The following DMD variants were observed in gnomAD, a reference collection of about 807,000 sequenced individuals.
DMD encodes mutant dystrophin.
In DMD, 63 loss-of-function variants were observed where a neutral mutation model predicts 330.1. That is an observed-to-expected ratio of 0.19 (90% CI 0.16 to 0.24). DMD has a LOEUF of 0.24. Among genes scored for constraint, DMD ranks in the 10% least tolerant of loss-of-function variants. The probability of loss-of-function intolerance (pLI) is 1.00; values close to 1 mark genes in which losing one functional copy is unlikely to be tolerated. For synonymous variants in DMD, 1,223 were observed against 959.8 expected (o/e 1.27, Z -5.07); for missense variants, 3,344 against 2,684.1 (o/e 1.25, Z -5.43).
intron 55 of DMD, among the ~76,000 whole-genome samples, chrX:31,552,444 A>G (rs1185125658): frequency 8.9e-6 from 1 of 111,920 alleles, no homozygotes; most frequent in East Asian, 2.8e-4. Context: ...AAGCACTGGG[A>G]TTACAAGTGT....
intron 16 of DMD, among the ~76,000 whole-genome samples, chrX:32,554,071 C>T (rs1569187543): frequency 8.9e-6 from 1 of 112,229 alleles, no homozygotes; most frequent in Non-Finnish European, 1.9e-5. Flanking sequence ...GCCACCTCTG[C>T]AGTTCTTTGA....
intron 51 of DMD, among the ~76,000 whole-genome samples, chrX:31,751,705 T>C (rs933240667): frequency 8.9e-6 from 1 of 112,016 alleles, no homozygotes; most frequent in East Asian, 2.8e-4. Context: ...TAAGAAAAAA[T>C]AAACCTTAAT....
intron 59 of DMD, among the ~76,000 whole-genome samples, chrX:31,447,635 T>C (rs1245380315): frequency 9.1e-6 from 1 of 110,220 alleles, no homozygotes; most frequent in Non-Finnish European, 1.9e-5. Context: ...CTCTGGAGAG[T>C]TGCTTCAAAA....
chrX:33,037,960 A>G (rs763894207), intron 1 of DMD, among the ~76,000 whole-genome samples: 66 of 112,293 alleles, frequency 5.9e-4, no homozygotes, highest in Non-Finnish European at 1.1e-3. Flanking sequence ...TGTCTAACAA[A>G]ATGGCACTAT....
chrX:32,697,498 A>T (rs1360581860), intron 9 of DMD, among the ~76,000 whole-genome samples: 1 of 111,938 alleles, frequency 8.9e-6, no homozygotes, highest in African/African-American at 3.2e-5. Context: ...AATCTCCCCA[A>T]ATAGTGTAAT....
At chrX:32,563,342 C>CAAAA (rs745316161) in intron 16 of DMD, among the ~76,000 whole-genome samples, 4 of 42,839 alleles carry the variant, frequency 9.3e-5, no homozygotes, top group African/African-American at 1.8e-4. Flanking sequence ...GACTCCATCT[C>CAAAA]AAAAAAAAAA....
chrX:32,042,436 C>A (rs1328758331), intron 44 of DMD, among the ~76,000 whole-genome samples: 8 of 109,884 alleles, frequency 7.3e-5, no homozygotes, highest in African/African-American at 2.7e-4. Flanking sequence ...GGGAAGAGCC[C>A]TTTATAAAAC....
At chrX:32,592,497 C>T (rs5928031) in intron 13 of DMD, among the ~76,000 whole-genome samples, 7,121 of 110,858 alleles carry the variant, frequency 0.064, 213 homozygotes, top group Middle Eastern at 0.11. Context: ...CTCCCTGGGA[C>T]GACCTGCCTG....
intron 62 of DMD, among the ~76,000 whole-genome samples, chrX:31,284,557 T>TTTCTTC (rs201340042): frequency 0.04 from 3,119 of 78,033 alleles, 103 homozygotes; most frequent in African/African-American, 0.064. Context: ...TAACGAACTG[T>TTTCTTC]TTCTTCTTCT....
At chrX:32,934,276 G>A (rs1460952337) in intron 2 of DMD, among the ~76,000 whole-genome samples, 1 of 111,549 alleles carries the variant, frequency 9.0e-6, no homozygotes, top group Non-Finnish European at 1.9e-5. Flanking sequence ...AATGTTGAAG[G>A]AAGTGAGGCA....
chrX:31,748,770 G>C (rs1461004028), intron 51 of DMD, among the ~76,000 whole-genome samples: 1 of 111,703 alleles, frequency 9.0e-6, no homozygotes, highest in Non-Finnish European at 1.9e-5. Flanking sequence ...CCCCTCAATG[G>C]TTCTGTACTT....
At chrX:32,699,378 G>A (rs1284672447) in intron 7 of DMD, 85 bp from the exon 8 acceptor site, 4 of 745,734 alleles carry the variant, frequency 5.4e-6, no homozygotes, top group South Asian at 2.2e-5. Flanking sequence ...AAAGTTAAAG[G>A]AAGACGATAG....
At chrX:32,711,137 C>CAAATGGACAAAAGG (rs2065150095) in intron 7 of DMD, among the ~76,000 whole-genome samples, 1 of 111,532 alleles carries the variant, frequency 9.0e-6, no homozygotes, top group Non-Finnish European at 1.9e-5. Flanking sequence ...TGTCCATTTG[C>CAAATGGACAAAAGG]AATTTTAAAA....
chrX:31,556,003 C>T (rs1377013494), intron 55 of DMD, among the ~76,000 whole-genome samples: 1 of 110,874 alleles, frequency 9.0e-6, no homozygotes, highest in Non-Finnish European at 1.9e-5. Flanking sequence ...TTAAGTAATT[C>T]CCCAGATGAC....
chrX:32,596,257 C>A (rs1419969081), intron 12 of DMD, among the ~76,000 whole-genome samples: 1 of 107,264 alleles, frequency 9.3e-6, no homozygotes, highest in Non-Finnish European at 1.9e-5. Context: ...CTTGATCCAA[C>A]AAACCGGTCC....
At chrX:32,340,718 T>C (rs1487863751) in intron 41 of DMD, among the ~76,000 whole-genome samples, 1 of 112,036 alleles carries the variant, frequency 8.9e-6, no homozygotes, top group Non-Finnish European at 1.9e-5. Context: ...AATTTTCTTT[T>C]TGATTGCCTT....
In DMD at chrX:31,657,271, G is replaced by A. The variant is rs73455970; in HGVS notation, c.8027+719C>T. Among the ~76,000 whole-genome samples the A allele has an allele frequency of 7.5e-3, 836 of 111,799 alleles. 8 individuals carry two copies. The highest frequency in any genetic ancestry group is 0.025 in the African/African-American group (784 of 30,774). ...ATTTACTAGCTCCCTATTATATCAC[G>A]TGGTTCAGGACCTGGGGATGTATCA... is the stretch of plus-strand genomic sequence containing the variant. On this transcript the variant is annotated intron_variant, in intron 54 of 78. Coordinates refer to ENST00000357033, the MANE Select transcript of DMD (RefSeq NM_004006.3).
At chrX:31,861,975 A>C (rs1000434948) in intron 48 of DMD, among the ~76,000 whole-genome samples, 8 of 108,032 alleles carry the variant, frequency 7.4e-5, no homozygotes, top group Admixed American at 1.0e-4. Context: ...ACACACACAC[A>C]CCTACATCCT....
At chrX:32,311,536 A>G (rs758360378) in intron 41 of DMD, among the ~76,000 whole-genome samples, 1 of 111,898 alleles carries the variant, frequency 8.9e-6, no homozygotes, top group South Asian at 3.7e-4. Context: ...GCAAATTCAC[A>G]GAATTGCACA....
Sources: allele counts gnomAD v4.1 joint callset (sites outside exome capture counted in the v4.1 genomes callset), GRCh38; gene constraint gnomAD v4.1.1; transcripts MANE v1.5; gene names NCBI Gene and HGNC (gene_info 2026-07-23, HGNC 2026-07-21).